NDUFS3: variants seen among roughly 807,000 people sequenced by gnomAD.
The protein encoded by NDUFS3 is NADH:ubiquinone oxidoreductase core subunit S3.
NDUFS3 carries 19 observed loss-of-function variants against 30.8 expected under a neutral mutation model. That is an observed-to-expected ratio of 0.62 (90% confidence interval 0.43 to 0.91). The LOEUF is 0.91. NDUFS3 is among the 40% of genes least tolerant of loss of function. NDUFS3 has a pLI of 0.00. For synonymous variants in NDUFS3, 153 were observed against 135.8 expected (o/e 1.13, Z -0.88); for missense variants, 331 against 342.0 (o/e 0.97, Z 0.25).
At position 47,584,539 on chromosome 11, in the gene NDUFS3, T is replaced by TA; in HGVS notation, c.*61dup. The stretch of plus-strand genomic sequence containing the variant: ...CCTTATCTATGATTGAGTGTCCGTG[T>TA]AAATAAATTCCTACTTAGACTTACC... On this transcript the variant is annotated 3_prime_UTR_variant, in exon 7 of 7. Transcript: ENST00000263774. 1 of 1,595,086 alleles carries TA rather than the reference T, an allele frequency of 6.3e-7. No individual in the cohort carries two copies. Among genetic ancestry groups the TA allele is most frequent in the South Asian group, 1.1e-5 (1 of 90,620 alleles).
At chr11:47,580,289 T>C (rs936530101) in intron 2 of NDUFS3, among the ~76,000 whole-genome samples, 3 of 152,070 alleles carry the variant, frequency 2.0e-5, no homozygotes, top group Non-Finnish European at 4.4e-5. Context: ...TGAGAAGAGG[T>C]GAACACCCCA....
intron 2 of NDUFS3, chr11:47,579,709 C>T (rs146768924): frequency 2.5e-6 from 1 of 398,856 alleles, no homozygotes; most frequent in South Asian, 2.7e-5. Context: ...TCACAACAGC[C>T]TTATGGGGTA....
chr11:47,584,465 A>C lies in NDUFS3; in HGVS notation c.779A>C (p.Lys260Thr), dbSNP rs1008837904. 1 of 1,614,094 alleles carries C rather than the reference A, an allele frequency of 6.2e-7. No individual in the cohort carries two copies. The highest frequency in any genetic ancestry group is 1.3e-5 in the African/African-American group (1 of 75,014). The change falls in exon 7 of 7, where the codon AAG (lysine) becomes ACG (threonine). Residue 260 changes from lysine to threonine, a missense_variant. Lys to Thr is a moderately conservative substitution (Grantham distance 78, BLOSUM62 -1). Transcript: ENST00000263774. Reference sequence around the variant, plus strand: ...CTCAAGCTTGAAGCCGGAGACAAGAAGCCTGATGCCAAGTAGCTCCAGGGA... The same window carrying C: ...CTCAAGCTTGAAGCCGGAGACAAGACGCCTGATGCCAAGTAGCTCCAGGGA... ...ESLKLEAGDK[K>T]PDAK
At chr11:47,581,693 T>G (rs766029999) in intron 4 of NDUFS3, 3 of 320,066 alleles carry the variant, frequency 9.4e-6, no homozygotes, top group Non-Finnish European at 1.8e-5. Flanking sequence ...TACACTCTAG[T>G]GAAGGAGAAA....
Position 47,580,604 on chromosome 11 carries a change from G to A in NDUFS3, c.213G>A (p.Lys71=). Residue 71 remains lysine (K), a synonymous_variant, in exon 3 of 7, where the codon AAG becomes AAA. Coordinates refer to ENST00000263774, the MANE Select transcript of NDUFS3 (RefSeq NM_004551.3). ...FGEYVAEILP[K]YVQQVQVSCF... ...AGTATGTGGCTGAAATCTTGCCCAAGTATGTCCAACAAGTTCAGGTAATAC... is the reference window on the plus strand; with the variant it reads ...AGTATGTGGCTGAAATCTTGCCCAAATATGTCCAACAAGTTCAGGTAATAC... 1.2e-6 allele frequency: 2 copies of A among 1,614,174 alleles called. No individual in the cohort carries two copies. Among genetic ancestry groups the A allele is most frequent in the Middle Eastern group, 3.3e-4 (2 of 6,062 alleles).
At position 47,581,458 on chromosome 11, in the gene NDUFS3, G is replaced by T. The variant is rs2097268756; in HGVS notation, c.381+474G>T. The stretch of plus-strand genomic sequence containing the variant: ...GCATGAGCCACCATGCCCGGCCCTT[G>T]TTTAATCTTTCTGAGCTTTCATTTT... On this transcript the variant is annotated intron_variant, in intron 4 of 6. Transcript: ENST00000263774. 5.3e-5 allele frequency: 12 copies of T among 226,054 alleles called. No homozygotes were observed. The South Asian group carries it at 7.0e-4, about 13-fold the overall frequency. The allele number at this position is 226,054 out of a possible 1,614,324, so 14.0% of individuals were successfully genotyped here.
chr11:47,580,769 C>T (rs1327496480), intron 3 of NDUFS3, 66 bp from the exon 4 acceptor site: 1 of 1,609,326 alleles, frequency 6.2e-7, no homozygotes, highest in South Asian at 1.1e-5. Context: ...CCAGGTGACT[C>T]CAGCTGAAGT....
chr11:47,583,840 C>T (rs1000905375), intron 6 of NDUFS3, among the ~76,000 whole-genome samples: 1 of 152,188 alleles, frequency 6.6e-6, no homozygotes, highest in Non-Finnish European at 1.5e-5. Context: ...TCCATTTGAT[C>T]CCCAAGTAAC....
At position 47,584,294 on chromosome 11, in the gene NDUFS3, C is replaced by T. The variant is rs2097270101; in HGVS notation, c.628-20C>T. On this transcript the variant is annotated intron_variant, in intron 6 of 6. Coordinates refer to ENST00000263774, the MANE Select transcript of NDUFS3 (RefSeq NM_004551.3). ...AATAAGGACTTCCTTAGTGCTCAAG[C>T]CTGCCTTTTGCTCCTGCAGTTACGT... 6.2e-7 allele frequency: 1 copy of T among 1,613,782 alleles called. No homozygotes were observed. Among genetic ancestry groups the T allele is most frequent in the African/African-American group, 1.3e-5 (1 of 74,870 alleles).
intron 6 of NDUFS3, among the ~76,000 whole-genome samples, chr11:47,582,949 A>G (rs575107011): frequency 1.3e-5 from 2 of 152,182 alleles, no homozygotes; most frequent in South Asian, 2.1e-4. Context: ...GTGAGCCGAG[A>G]TCACGCCACT....
At chr11:47,581,869 A>G (rs2153795371) in intron 4 of NDUFS3, 1 of 609,756 alleles carries the variant, frequency 1.6e-6, no homozygotes, top group Non-Finnish European at 2.9e-6. Context: ...GCCTTGTGAG[A>G]TGGACCAGGG....
intron 6 of NDUFS3, among the ~76,000 whole-genome samples, chr11:47,584,006 A>T (rs1321999418): frequency 6.6e-6 from 1 of 151,716 alleles, no homozygotes; most frequent in Non-Finnish European, 1.5e-5. Flanking sequence ...ACCTTGTAAG[A>T]GTGTGTGGGT....
intron 6 of NDUFS3, among the ~76,000 whole-genome samples, chr11:47,583,989 T>C (rs1250648564): frequency 6.6e-6 from 1 of 152,208 alleles, no homozygotes; most frequent in African/African-American, 2.4e-5. Flanking sequence ...GGCAAATGCT[T>C]ACCATTACCT....
At position 47,580,927 on chromosome 11, in the gene NDUFS3, C is replaced by A. The variant is rs1257383541; in HGVS notation, c.324C>A (p.Phe108Leu). 1 of 1,614,080 alleles carries A rather than the reference C, an allele frequency of 6.2e-7. No homozygotes were observed. Among genetic ancestry groups the A allele is most frequent in the African/African-American group, 1.3e-5 (1 of 74,918 alleles). The change falls in exon 4 of 7, where the codon TTC becomes TTA. Residue 108 changes from phenylalanine to leucine, a missense_variant. Transcript: ENST00000263774. Reference protein sequence around the residue: ...TFLRDHTNAQFKSLVDLTAVD... With the variant: ...TFLRDHTNAQLKSLVDLTAVD... ...TCAGGGATCACACCAATGCACAGTTCAAATCTCTGGTTGACTTGACAGCAG... is the reference window on the plus strand; with the variant it reads ...TCAGGGATCACACCAATGCACAGTTAAAATCTCTGGTTGACTTGACAGCAG...
chr11:47,583,290 A>C (rs1255678573), intron 6 of NDUFS3, among the ~76,000 whole-genome samples: 1 of 152,040 alleles, frequency 6.6e-6, no homozygotes, highest in Non-Finnish European at 1.5e-5. Flanking sequence ...GGCTCAAGTC[A>C]TCTGCCCGCC....
intron 6 of NDUFS3, among the ~76,000 whole-genome samples, chr11:47,583,240 G>A (rs552309355): frequency 1.3e-5 from 2 of 152,120 alleles, no homozygotes; most frequent in South Asian, 2.1e-4. Flanking sequence ...TTGTAGAGAC[G>A]GGGTTTCTCC....
In NDUFS3 at chr11:47,582,225, G is replaced by A; in HGVS notation, c.507+12G>A. The A allele has an allele frequency of 6.2e-7, 1 of 1,614,204 alleles. No individual in the cohort carries two copies. Among genetic ancestry groups the A allele is most frequent in the Non-Finnish European group, 8.5e-7 (1 of 1,180,032 alleles). On this transcript the variant is annotated intron_variant, in intron 5 of 6. Coordinates refer to ENST00000263774, the MANE Select transcript of NDUFS3 (RefSeq NM_004551.3). ...GGTATGAAAGGGAGGTGAGTTACCG[G>A]ATATGGTGGACCTGCCTCTGGGCCA... is the stretch of plus-strand genomic sequence containing the variant.
chr11:47,583,874 T>A (rs963529041), intron 6 of NDUFS3, among the ~76,000 whole-genome samples: 1 of 152,230 alleles, frequency 6.6e-6, no homozygotes, highest in Non-Finnish European at 1.5e-5. Flanking sequence ...TCAAATGTAC[T>A]GCTTTAGATC....
chr11:47,580,645 G>A (rs2097268168), intron 3 of NDUFS3, 23 bp downstream of exon 3: 1 of 1,611,336 alleles, frequency 6.2e-7, no homozygotes, highest in Non-Finnish European at 8.5e-7. Flanking sequence ...AATGTTATTT[G>A]GGTCTGGGTC....
Sources: allele counts gnomAD v4.1 joint callset (sites outside exome capture counted in the v4.1 genomes callset), GRCh38; gene constraint gnomAD v4.1.1; transcripts MANE v1.5; gene names NCBI Gene and HGNC (gene_info 2026-07-23, HGNC 2026-07-21).